GABRR2: variants seen among roughly 807,000 people sequenced by gnomAD.
The protein encoded by GABRR2 is gamma-aminobutyric acid type A receptor subunit rho2.
GABRR2 carries 36 observed loss-of-function variants against 47.0 expected under a neutral mutation model. The ratio of observed to expected loss-of-function variants is 0.77; its 90% CI spans 0.59 to 1.01. GABRR2 has a LOEUF of 1.01. Among genes scored for constraint, GABRR2 ranks in the 50% least tolerant of loss-of-function variants. The pLI is 0.00. For synonymous variants in GABRR2, 204 were observed against 227.5 expected, an observed-to-expected ratio of 0.90 and a Z score of 0.93; for missense variants, 587 against 594.6, an observed-to-expected ratio of 0.99 and a Z score of 0.13.
chr6:89,284,447 A>T (rs1774300994), intron 2 of GABRR2, among the ~76,000 whole-genome samples: 1 of 152,216 alleles, frequency 6.6e-6, no homozygotes, highest in African/African-American at 2.4e-5. Context: ...GAATCAGCTG[A>T]CCTTACAATG....
intron 2 of GABRR2, among the ~76,000 whole-genome samples, chr6:89,285,463 G>A (rs903225951): frequency 2.6e-5 from 4 of 152,166 alleles, no homozygotes; most frequent in African/African-American, 7.2e-5. Flanking sequence ...TGAGCACCAC[G>A]TGTGAGCATG....
intron 2 of GABRR2, among the ~76,000 whole-genome samples, chr6:89,278,924 A>G (rs1213633186): frequency 6.6e-6 from 1 of 152,208 alleles, no homozygotes; most frequent in Non-Finnish European, 1.5e-5. Context: ...GTCATTCACC[A>G]ACCTGGACTC....
At chr6:89,263,916 T>G (rs947003970) in intron 8 of GABRR2, among the ~76,000 whole-genome samples, 2 of 152,236 alleles carry the variant, frequency 1.3e-5, no homozygotes, top group Non-Finnish European at 1.5e-5. Context: ...TAGTCCTTAC[T>G]GTGGCTGAAT....
At chr6:89,287,030 G>T (rs1227868482) in intron 2 of GABRR2, among the ~76,000 whole-genome samples, 1 of 152,190 alleles carries the variant, frequency 6.6e-6, no homozygotes, top group Non-Finnish European at 1.5e-5. Context: ...GAGCCAGGGA[G>T]TCCAAGAAGC....
At chr6:89,289,072 G>C (rs1774391348) in intron 2 of GABRR2, among the ~76,000 whole-genome samples, 1 of 152,266 alleles carries the variant, frequency 6.6e-6, no homozygotes, top group Non-Finnish European at 1.5e-5. Context: ...CTTCATGTAA[G>C]AGGAAAGAGA....
chr6:89,271,506 C>T (rs370177057), intron 3 of GABRR2, 149 bp downstream of exon 3: 12 of 628,080 alleles, frequency 1.9e-5, no homozygotes, highest in African/African-American at 1.3e-4. Context: ...CGAGAATGCC[C>T]GCTTTAGATT....
intron 2 of GABRR2, among the ~76,000 whole-genome samples, chr6:89,293,988 AC>A (rs1314097753): frequency 4.6e-5 from 7 of 152,184 alleles, no homozygotes; most frequent in Non-Finnish European, 7.4e-5. Flanking sequence ...CTCTTTCTAG[AC>A]TAAAAAGGTC....
intron 2 of GABRR2, among the ~76,000 whole-genome samples, chr6:89,290,609 G>C (rs1774421266): frequency 6.6e-6 from 1 of 152,256 alleles, no homozygotes; most frequent in South Asian, 2.1e-4. Flanking sequence ...TGAGCCGGGT[G>C]TGGGGCCCGA....
rs771551305 is a variant in GABRR2 at position 89,267,659 on chromosome 6, T to C, written c.736+20A>G. On this transcript the variant is annotated intron_variant, in intron 6 of 8. Coordinates refer to ENST00000402938, the MANE Select transcript of GABRR2 (RefSeq NM_002043.5). ...TGCTTTCTTGCACATTTGAATCAGATTGTGGCAAAAGATAGCTACCAGTGC... is the reference window on the plus strand; with the variant it reads ...TGCTTTCTTGCACATTTGAATCAGACTGTGGCAAAAGATAGCTACCAGTGC... 1.0e-5 allele frequency: 16 copies of C among 1,603,376 alleles called. No individual in the cohort carries two copies. Among genetic ancestry groups the C allele is most frequent in the Middle Eastern group, 1.7e-4 (1 of 5,986 alleles).
At chr6:89,279,835 T>G (rs1293559456) in intron 2 of GABRR2, among the ~76,000 whole-genome samples, 1 of 152,182 alleles carries the variant, frequency 6.6e-6, no homozygotes, top group Non-Finnish European at 1.5e-5. Flanking sequence ...CTTCATATGC[T>G]TATCAGGCTA....
chr6:89,267,049 G>T (rs1451517533), intron 6 of GABRR2, among the ~76,000 whole-genome samples: 1 of 146,462 alleles, frequency 6.8e-6, no homozygotes, highest in Non-Finnish European at 1.5e-5. Flanking sequence ...CCCCAGGCTG[G>T]AGTGCAGTGG....
chr6:89,285,580 T>C (rs12196758), intron 2 of GABRR2, among the ~76,000 whole-genome samples: 23,118 of 151,878 alleles, frequency 0.15, 2,563 homozygotes, highest in African/African-American at 0.31. Context: ...CTTCGGCCGC[T>C]CCTCCCCAGG....
chr6:89,261,404 T>C (rs533248443), intron 8 of GABRR2, among the ~76,000 whole-genome samples: 23 of 152,300 alleles, frequency 1.5e-4, no homozygotes, highest in African/African-American at 5.3e-4. Context: ...CCCAAACTGA[T>C]GAACTGACCC....
At chr6:89,303,372 T>A (rs1767492416) in intron 1 of GABRR2, among the ~76,000 whole-genome samples, 1 of 151,972 alleles carries the variant, frequency 6.6e-6, no homozygotes, top group African/African-American at 2.4e-5. Flanking sequence ...TACTGGTTTG[T>A]GTTTATATTT....
chr6:89,257,422 G>C lies in GABRR2; in HGVS notation c.*248C>G, dbSNP rs959016292. 2.0e-6 allele frequency: 1 copy of C among 499,496 alleles called. No homozygotes were observed. Among genetic ancestry groups the C allele is most frequent in the Non-Finnish European group, 3.5e-6 (1 of 282,086 alleles). 30.9% of individuals were successfully genotyped at this position (499,496 alleles called of 1,614,324 possible). A position where few individuals can be genotyped will look rare whatever the true frequency, so the allele number is the denominator to read the frequency against. Reference sequence around the variant, plus strand: ...TTCTTGTGAATTAGTTCACACACAAGAACAGAAGGTCCCAGAGAGATGTGA... The same window carrying C: ...TTCTTGTGAATTAGTTCACACACAACAACAGAAGGTCCCAGAGAGATGTGA... On this transcript the variant is annotated 3_prime_UTR_variant, in exon 9 of 9. Coordinates refer to ENST00000402938, the MANE Select transcript of GABRR2 (RefSeq NM_002043.5).
chr6:89,313,443 C>T (rs1767710746), intron 1 of GABRR2, among the ~76,000 whole-genome samples: 1 of 152,226 alleles, frequency 6.6e-6, no homozygotes, highest in Non-Finnish European at 1.5e-5. Context: ...TTTCACTCAA[C>T]AGCCATTCAC....
chr6:89,290,369 T>C lies in GABRR2; in HGVS notation c.220+9390A>G, dbSNP rs760811905. Among the ~76,000 whole-genome samples, 102 of 152,252 alleles carry C rather than the reference T, an allele frequency of 6.7e-4. 1 individual carries two copies. Among genetic ancestry groups the C allele is most frequent in the Middle Eastern group, 6.8e-3 (2 of 294 alleles). ...TCACCCTGCCCACATATTTAAGCCA[T>C]TCACTCCCCTTGAAACAGCCACCCT... is the stretch of plus-strand genomic sequence containing the variant. On this transcript the variant is annotated intron_variant, in intron 2 of 8. Transcript: ENST00000402938.
chr6:89,280,835 A>G (rs1181979290), intron 2 of GABRR2, among the ~76,000 whole-genome samples: 2 of 152,266 alleles, frequency 1.3e-5, no homozygotes, highest in Admixed American at 6.5e-5. Flanking sequence ...ATTATCAGTC[A>G]AGGAGAACTT....
intron 2 of GABRR2, among the ~76,000 whole-genome samples, chr6:89,277,077 A>G (rs544149601): frequency 1.3e-5 from 2 of 152,304 alleles, no homozygotes; most frequent in African/African-American, 4.8e-5. Flanking sequence ...CTCATCTTTA[A>G]TTGTAATCCT....
Sources: allele counts gnomAD v4.1 joint callset (sites outside exome capture counted in the v4.1 genomes callset), GRCh38; gene constraint gnomAD v4.1.1; transcripts MANE v1.5; gene names NCBI Gene and HGNC (gene_info 2026-07-23, HGNC 2026-07-21).